The following BBS9 variants were observed in gnomAD, a reference collection of about 807,000 sequenced individuals.
BBS9 encodes Bardet-Biedl syndrome 9.
Under a neutral mutation model 117.7 loss-of-function variants are expected in BBS9, and 89 were observed. The ratio of observed to expected loss-of-function variants is 0.76; its 90% confidence interval spans 0.64 to 0.90. The LOEUF (loss-of-function observed/expected upper bound fraction) is 0.90. Among genes scored for constraint, BBS9 ranks in the 40% least tolerant of loss-of-function variants. The pLI, the probability that BBS9 is intolerant of heterozygous loss-of-function variation, is 0.00. For missense variants in BBS9, 982 were observed against 1,042.2 expected (o/e 0.94, Z 0.80); for synonymous variants, 379 against 370.9 (o/e 1.02, Z -0.25).
chr7:33,405,699 A>T (rs539139283), intron 19 of BBS9, among the ~76,000 whole-genome samples: 1 of 152,056 alleles, frequency 6.6e-6, no homozygotes, highest in African/African-American at 2.4e-5. Context: ...TATCCCTTTT[A>T]TCATTTTTTA....
At chr7:33,271,153 G>A (rs1041689609) in intron 7 of BBS9, among the ~76,000 whole-genome samples, 4 of 152,130 alleles carry the variant, frequency 2.6e-5, no homozygotes, top group Admixed American at 6.5e-5. Flanking sequence ...TTTCAGACAA[G>A]CAAATGAGAA....
intron 19 of BBS9, among the ~76,000 whole-genome samples, chr7:33,412,206 G>A (rs114214577): frequency 1.0e-3 from 156 of 152,186 alleles, no homozygotes; most frequent in African/African-American, 3.4e-3. Flanking sequence ...CTTCCAAGAC[G>A]TCAAACTATT....
intron 9 of BBS9, among the ~76,000 whole-genome samples, chr7:33,305,579 C>T (rs1255637957): frequency 6.6e-6 from 1 of 152,128 alleles, no homozygotes; most frequent in Non-Finnish European, 1.5e-5. Flanking sequence ...CAGCTTTCAT[C>T]TCGTTACTCG....
chr7:33,462,659 T>A (rs1839634440), intron 19 of BBS9, among the ~76,000 whole-genome samples: 1 of 152,042 alleles, frequency 6.6e-6, no homozygotes, highest in Non-Finnish European at 1.5e-5. Context: ...AAATGAAGTT[T>A]AAAAAAATGA....
chr7:33,198,284 G>A (rs1785258752), intron 5 of BBS9, among the ~76,000 whole-genome samples: 1 of 151,864 alleles, frequency 6.6e-6, no homozygotes, highest in Non-Finnish European at 1.5e-5. Flanking sequence ...ATGTGTGAGT[G>A]GAAAATTAAG....
intron 19 of BBS9, among the ~76,000 whole-genome samples, chr7:33,489,688 A>G (rs1267908941): frequency 1.3e-5 from 2 of 152,112 alleles, no homozygotes; most frequent in Non-Finnish European, 2.9e-5. Context: ...CTATTTTCTA[A>G]GGTGTTTTTA....
chr7:33,365,228 T>C (rs527649357), intron 16 of BBS9, among the ~76,000 whole-genome samples: 1 of 152,310 alleles, frequency 6.6e-6, no homozygotes, highest in East Asian at 1.9e-4. Flanking sequence ...ATATGTCTTC[T>C]TTGTTTTTCG....
At chr7:33,240,690 T>G (rs1216565479) in intron 5 of BBS9, among the ~76,000 whole-genome samples, 1 of 152,354 alleles carries the variant, frequency 6.6e-6, no homozygotes, top group African/African-American at 2.4e-5. Context: ...TATAAATTAT[T>G]GTAATGCATA....
At chr7:33,310,351 A>AT (rs774296826) in intron 9 of BBS9, among the ~76,000 whole-genome samples, 5 of 151,902 alleles carry the variant, frequency 3.3e-5, no homozygotes, top group Non-Finnish European at 5.9e-5. Flanking sequence ...TACTATATAG[A>AT]TTTTTAAAAA....
At chr7:33,582,350 T>C (rs1168779105) in intron 21 of BBS9, among the ~76,000 whole-genome samples, 2 of 151,968 alleles carry the variant, frequency 1.3e-5, no homozygotes, top group Non-Finnish European at 2.9e-5. Context: ...ATGGGGCTGC[T>C]TGGAAGGGGT....
chr7:33,577,957 C>T (rs551298241), intron 21 of BBS9, among the ~76,000 whole-genome samples: 10 of 152,144 alleles, frequency 6.6e-5, no homozygotes, highest in Non-Finnish European at 1.0e-4. Context: ...ATGTAAATGA[C>T]GAGTTGATGG....
intron 19 of BBS9, among the ~76,000 whole-genome samples, chr7:33,430,496 C>G (rs963878936): frequency 6.6e-6 from 1 of 152,090 alleles, no homozygotes; most frequent in Non-Finnish European, 1.5e-5. Context: ...ATAGAGGAAA[C>G]TTGGGTACTC....
At chr7:33,287,978 G>A (rs1427430072) in intron 9 of BBS9, among the ~76,000 whole-genome samples, 1 of 152,086 alleles carries the variant, frequency 6.6e-6, no homozygotes, top group Non-Finnish European at 1.5e-5. Context: ...CCTAAGACAT[G>A]CCCACAGCTG....
intron 9 of BBS9, among the ~76,000 whole-genome samples, chr7:33,299,835 G>A (rs1206420529): frequency 6.6e-6 from 1 of 152,110 alleles, no homozygotes; most frequent in Non-Finnish European, 1.5e-5. Flanking sequence ...TACAAAGCCA[G>A]TTTTGGAGCA....
At chr7:33,540,544 A>G (rs1460538892) in intron 21 of BBS9, among the ~76,000 whole-genome samples, 1 of 152,156 alleles carries the variant, frequency 6.6e-6, no homozygotes, top group Non-Finnish European at 1.5e-5. Flanking sequence ...TCTTCCATAT[A>G]TTTTGTACAT....
chr7:33,402,259 G>A (rs1829040686), intron 19 of BBS9, among the ~76,000 whole-genome samples: 2 of 152,130 alleles, frequency 1.3e-5, no homozygotes, highest in South Asian at 2.1e-4. Context: ...CAAAAATTCT[G>A]AAGAGTTGCA....
intron 21 of BBS9, among the ~76,000 whole-genome samples, chr7:33,536,765 CTCTTT>C (rs201898060): frequency 0.019 from 2,395 of 124,438 alleles, 31 homozygotes; most frequent in Non-Finnish European, 0.029. Flanking sequence ...TTCACACAGT[CTCTTT>C]TCTTTTCTTT....
At chr7:33,608,339 G>A (rs554116739), downstream of BBS9, among the ~76,000 whole-genome samples, 1 of 152,170 alleles carries the variant, frequency 6.6e-6, no homozygotes, top group Admixed American at 6.5e-5. Context: ...GAATAGTGCT[G>A]CAATGAACGT....
intron 2 of BBS9, among the ~76,000 whole-genome samples, chr7:33,147,880 A>C (rs768590183): frequency 2.0e-5 from 3 of 152,194 alleles, no homozygotes; most frequent in Non-Finnish European, 2.9e-5. Flanking sequence ...TGCTATACAA[A>C]AATCATTACA....
Sources: gnomAD v4.1 joint callset for allele counts (sites outside exome capture counted in the v4.1 genomes callset) on GRCh38, gnomAD v4.1.1 for gene constraint, MANE v1.5 for transcripts, NCBI Gene and HGNC (gene_info 2026-07-23, HGNC 2026-07-21) for gene names.